The following GALNTL6 variants were observed in gnomAD, a reference collection of about 807,000 sequenced individuals.
The protein encoded by GALNTL6 is polypeptide N-acetylgalactosaminyltransferase-like 6.
GALNTL6 carries 46 observed loss-of-function variants against 73.7 expected under a neutral mutation model. That is an observed-to-expected ratio of 0.62 (90% CI 0.49 to 0.80). The LOEUF (loss-of-function observed/expected upper bound fraction) is 0.80, where lower values mean the gene tolerates loss of function less well. Ranked by LOEUF, GALNTL6 falls within the 30% of genes least tolerant of loss-of-function variation. The probability of loss-of-function intolerance (pLI) is 0.00; values close to 1 mark genes in which losing one functional copy is unlikely to be tolerated. For synonymous variants in GALNTL6, 259 were observed against 263.7 expected, an observed-to-expected ratio of 0.98 and a Z score of 0.17; for missense variants, 604 against 755.0, an observed-to-expected ratio of 0.80 and a Z score of 2.34.
intron 2 of GALNTL6, among the ~76,000 whole-genome samples, chr4:171,951,442 A>G (rs757450761): frequency 6.6e-6 from 1 of 152,046 alleles, no homozygotes; most frequent in Non-Finnish European, 1.5e-5. Context: ...GAAATTAATG[A>G]ATGCAACAAA....
intron 5 of GALNTL6, among the ~76,000 whole-genome samples, chr4:172,568,792 A>G (rs895284900): frequency 1.1e-4 from 16 of 150,554 alleles, no homozygotes; most frequent in South Asian, 4.2e-4. Flanking sequence ...AACAAAGATG[A>G]ACATCTACGT....
intron 2 of GALNTL6, 77 bp downstream of exon 2, chr4:171,814,795 T>G: frequency 6.8e-7 from 1 of 1,474,244 alleles, no homozygotes; most frequent in Non-Finnish European, 9.4e-7. Context: ...AGAAAGCCGG[T>G]GTGGGATCGC....
rs1421736649 is a variant in GALNTL6 at position 172,297,876 on chromosome 4, C to A, written c.248-13738C>A. ...ATATGAATTTTAAAGTAGTTTTTTC[C>A]AATTCTGTGAAGAAAGTCATTGGTA... On this transcript the variant is annotated intron_variant, in intron 3 of 12. Transcript: ENST00000506823. Among the ~76,000 whole-genome samples, 4 of 151,948 alleles carry A rather than the reference C, an allele frequency of 2.6e-5. No homozygotes were observed. In the East Asian group the frequency reaches 7.7e-4, roughly 29 times the overall value.
Position 172,375,617 on chromosome 4 carries a change from G to C in GALNTL6, c.553+26928G>C, listed in dbSNP as rs555864084. ...ACCCAAGAACCTGCAATGGTCCCTG[G>C]ACCCTGCTGATCGGAATAGTTGCAC... On this transcript the variant is annotated intron_variant, in intron 5 of 12. Transcript: ENST00000506823. 1.9e-3 allele frequency among the ~76,000 whole-genome samples: 291 copies of C among 152,244 alleles called. 2 individuals carry two copies. Among genetic ancestry groups the C allele is most frequent in the African/African-American group, 6.8e-3 (284 of 41,554 alleles).
chr4:172,519,850 G>A (rs1046474361), intron 5 of GALNTL6, among the ~76,000 whole-genome samples: 1 of 151,350 alleles, frequency 6.6e-6, no homozygotes, highest in Non-Finnish European at 1.5e-5. Context: ...AATAGCTTTA[G>A]AAAATGTCAC....
chr4:172,015,237 T>G (rs894274350), intron 2 of GALNTL6, among the ~76,000 whole-genome samples: 2 of 152,052 alleles, frequency 1.3e-5, no homozygotes, highest in African/African-American at 4.8e-5. Context: ...GAAGCTGTGG[T>G]GTTAGATGTA....
At chr4:172,163,542 C>T (rs1734534541) in intron 2 of GALNTL6, among the ~76,000 whole-genome samples, 1 of 151,938 alleles carries the variant, frequency 6.6e-6, no homozygotes, top group Admixed American at 6.6e-5. Flanking sequence ...ACGATTTCTT[C>T]AAAGTAACCT....
intron 2 of GALNTL6, among the ~76,000 whole-genome samples, chr4:172,176,197 G>A (rs113838322): frequency 0.35 from 53,562 of 151,070 alleles, 9,675 homozygotes; most frequent in Middle Eastern, 0.39. Flanking sequence ...AAAATTAGCC[G>A]GGCGAGGTGG....
intron 10 of GALNTL6, among the ~76,000 whole-genome samples, chr4:173,004,797 A>G (rs191807247): frequency 6.6e-6 from 1 of 152,278 alleles, no homozygotes; most frequent in African/African-American, 2.4e-5. Context: ...TCAGGTGCAC[A>G]AAGGATAGGA....
intron 5 of GALNTL6, among the ~76,000 whole-genome samples, chr4:172,708,561 T>C (rs1298172927): frequency 6.6e-6 from 1 of 152,146 alleles, no homozygotes; most frequent in Non-Finnish European, 1.5e-5. Flanking sequence ...AGATTCCTTG[T>C]CTGCAAAATA....
intron 7 of GALNTL6, among the ~76,000 whole-genome samples, chr4:172,858,361 G>A (rs904518326): frequency 3.3e-5 from 5 of 152,162 alleles, no homozygotes; most frequent in Non-Finnish European, 7.4e-5. Context: ...TGTAAGATCT[G>A]TGAGTAAATA....
intron 5 of GALNTL6, among the ~76,000 whole-genome samples, chr4:172,367,164 GGGGA>G (rs1254510692): frequency 1.3e-5 from 2 of 152,130 alleles, no homozygotes; most frequent in Non-Finnish European, 2.9e-5. Context: ...TAAAAGTAGT[GGGGA>G]GGGAGAGTAT....
intron 3 of GALNTL6, among the ~76,000 whole-genome samples, chr4:172,233,598 G>T (rs1390710256): frequency 6.6e-6 from 1 of 151,820 alleles, no homozygotes; most frequent in African/African-American, 2.4e-5. Context: ...TTCTTTTTCT[G>T]GGTTCTCTAT....
intron 10 of GALNTL6, among the ~76,000 whole-genome samples, chr4:172,961,309 C>G (rs576721699): frequency 1.3e-5 from 2 of 148,198 alleles, no homozygotes; most frequent in Non-Finnish European, 3.0e-5. Context: ...GGGTGCTTGC[C>G]CCCCCAGGAA....
chr4:172,762,022 C>T (rs936894647), intron 5 of GALNTL6, among the ~76,000 whole-genome samples: 13 of 152,132 alleles, frequency 8.5e-5, no homozygotes, highest in Non-Finnish European at 1.5e-4. Flanking sequence ...CTGTAAACTG[C>T]GCCAGATCAA....
chr4:172,186,702 AT>A (rs1380486720), intron 2 of GALNTL6, among the ~76,000 whole-genome samples: 2 of 152,108 alleles, frequency 1.3e-5, no homozygotes, highest in Non-Finnish European at 2.9e-5. Flanking sequence ...ATATCATTTC[AT>A]TTATATGAAA....
intron 2 of GALNTL6, among the ~76,000 whole-genome samples, chr4:171,967,446 G>GGGTTTTT (rs2111057491): frequency 6.7e-5 from 1 of 14,906 alleles, no homozygotes. Flanking sequence ...TCCCCCTATG[G>GGGTTTTT]GTTTTTTTTT....
Position 172,442,325 on chromosome 4 carries a change from C to G in GALNTL6, c.553+93636C>G, listed in dbSNP as rs188787821. ...ATATTGCTGGTGATCATCTCGATCA[C>G]CTGTATATTTGTTTCTCACTTCTTC... On this transcript the variant is annotated intron_variant, in intron 5 of 12. Transcript: ENST00000506823. Among the ~76,000 whole-genome samples the G allele has an allele frequency of 2.0e-5, 3 of 152,210 alleles. No homozygotes were observed. The East Asian group carries it at 5.8e-4, about 29-fold the overall frequency.
intron 3 of GALNTL6, among the ~76,000 whole-genome samples, chr4:172,265,142 A>G (rs1738407954): frequency 6.6e-6 from 1 of 152,046 alleles, no homozygotes; most frequent in African/African-American, 2.4e-5. Flanking sequence ...TCAATTTGCT[A>G]CAATTTTAAT....
Sources: allele counts gnomAD v4.1 joint callset (sites outside exome capture counted in the v4.1 genomes callset), GRCh38; gene constraint gnomAD v4.1.1; transcripts MANE v1.5; gene names NCBI Gene and HGNC (gene_info 2026-07-23, HGNC 2026-07-21).